The following CYREN variants were observed in gnomAD, a reference collection of about 807,000 sequenced individuals.
CYREN encodes the protein cell cycle regulator of NHEJ, also known as cell cycle regulator of non-homologous end joining.
Under a neutral mutation model 9.7 loss-of-function variants are expected in CYREN, and 7 were observed. That is an observed-to-expected ratio of 0.72 (90% CI 0.41 to 1.36). The LOEUF (loss-of-function observed/expected upper bound fraction) is 1.36. Among genes scored for constraint, CYREN ranks in the 40% most tolerant of loss-of-function variants. The pLI is 0.01. For missense variants in CYREN, 215 were observed against 198.1 expected (o/e 1.09, Z -0.51); for synonymous variants, 76 against 77.9 (o/e 0.98, Z 0.13).
chr7:135,097,830 T>C (rs1823142318), intron 2 of CYREN, among the ~76,000 whole-genome samples: 2 of 152,050 alleles, frequency 1.3e-5, no homozygotes, highest in Admixed American at 1.3e-4. Flanking sequence ...TGGGAAGAAA[T>C]AAGACTGACT....
downstream of CYREN, among the ~76,000 whole-genome samples, chr7:135,163,161 T>C (rs772274561): frequency 7.2e-5 from 11 of 152,190 alleles, no homozygotes; most frequent in South Asian, 2.1e-4. Flanking sequence ...GCACAGCCAT[T>C]GATCATGTTT....
intron 2 of CYREN, among the ~76,000 whole-genome samples, chr7:135,152,531 T>C (rs771131912): frequency 2.6e-5 from 4 of 152,262 alleles, no homozygotes; most frequent in African/African-American, 4.8e-5. Context: ...CCCTACATGG[T>C]TGTAAGAAAT....
At position 135,166,714 on chromosome 7, in the gene CYREN, G is replaced by C. The variant is rs908860169; in HGVS notation, c.371C>G (p.Pro124Arg). Residue 124 changes from proline (P) to arginine (R), a missense_variant, in exon 4 of 4, where the codon CCT (proline) becomes CGT (arginine). By Grantham distance (103) the Pro-to-Arg change is moderately radical. Transcript: ENST00000393114. ...GKQALAPGLSPSQRPGGSSSA... is the reference protein window; with the variant it reads ...GKQALAPGLSRSQRPGGSSSA... ...GCTGGAACCCCCCGGCCTCTGGGAA[G>C]GGCTGAGGCCTGGAGCCAGTGCCTG... is the stretch of plus-strand genomic sequence containing the variant. The C allele has an allele frequency of 1.2e-6, 2 of 1,613,644 alleles. No homozygotes were observed. The highest frequency in any genetic ancestry group is 1.6e-4 in the Middle Eastern group (1 of 6,062).
intron 2 of CYREN, 74 bp downstream of exon 2, chr7:135,168,712 A>G: frequency 6.4e-7 from 1 of 1,559,322 alleles, no homozygotes; most frequent in East Asian, 2.3e-5. Flanking sequence ...AGGCTGGAAG[A>G]CCTGGCCCAG....
chr7:135,164,214 C>T (rs1028737921), downstream of CYREN, among the ~76,000 whole-genome samples: 1 of 152,228 alleles, frequency 6.6e-6, no homozygotes, highest in Admixed American at 6.5e-5. Context: ...TCCTCCTGAC[C>T]TCAAATCAGA....
chr7:135,115,641 CTATT>C (rs1385962720), intron 2 of CYREN: 2 of 1,426,156 alleles, frequency 1.4e-6, no homozygotes. Context: ...TCACTCTTAT[CTATT>C]TAACACATCT....
chr7:135,126,346 G>A (rs1259431928), intron 2 of CYREN, among the ~76,000 whole-genome samples: 2 of 152,138 alleles, frequency 1.3e-5, no homozygotes, highest in African/African-American at 4.8e-5. Context: ...GGATGTGAAG[G>A]ACCTCTTCAA....
intron 2 of CYREN, among the ~76,000 whole-genome samples, chr7:135,137,765 A>T (rs527963131): frequency 6.6e-6 from 1 of 152,176 alleles, no homozygotes; most frequent in African/African-American, 2.4e-5. Context: ...TTAATGAAAC[A>T]ATAGAAATTT....
At chr7:135,138,407 GAGGA>G (rs1263819053) in intron 2 of CYREN, among the ~76,000 whole-genome samples, 1 of 152,018 alleles carries the variant, frequency 6.6e-6, no homozygotes, top group Non-Finnish European at 1.5e-5. Context: ...GAATCGGAGG[GAGGA>G]ATTGGGAATA....
At chr7:135,112,099 C>T (rs1428784907) in intron 2 of CYREN, among the ~76,000 whole-genome samples, 2 of 152,170 alleles carry the variant, frequency 1.3e-5, no homozygotes, top group Admixed American at 6.5e-5. Flanking sequence ...TAACATGAAG[C>T]TCTATCCATT....
intron 3 of CYREN, 30 bp from the exon 4 acceptor site, chr7:135,166,901 C>G (rs1372380114): frequency 1.9e-6 from 3 of 1,602,268 alleles, no homozygotes; most frequent in Middle Eastern, 1.7e-4. Context: ...GCAGGCTCAA[C>G]ATACGTGTTT....
Position 135,095,549 on chromosome 7 carries a change from C to T in CYREN, n.357-967G>A, listed in dbSNP as rs146775743. ...GCCTATTAACTTCAGTTTTTGTTAC[C>T]CACTGTCCTGTGACCAACAAAAGAT... On this transcript the variant is annotated intron_variant and non_coding_transcript_variant, in intron 2 of 2. Transcript: ENST00000459937. Among the ~76,000 whole-genome samples the T allele has an allele frequency of 2.5e-3, 385 of 152,194 alleles. 1 individual carries two copies. The highest frequency in any genetic ancestry group is 8.6e-3 in the African/African-American group (359 of 41,548).
intron 2 of CYREN, among the ~76,000 whole-genome samples, chr7:135,109,070 T>C (rs1266699444): frequency 6.6e-6 from 1 of 152,208 alleles, no homozygotes. Flanking sequence ...GCCTATTTTG[T>C]TTGTCAGCTC....
chr7:135,119,046 T>A (rs1297642965), intron 2 of CYREN, among the ~76,000 whole-genome samples: 2 of 152,036 alleles, frequency 1.3e-5, no homozygotes, highest in African/African-American at 4.8e-5. Flanking sequence ...CAAAATCTAA[T>A]AATATTCACA....
intron 2 of CYREN, among the ~76,000 whole-genome samples, chr7:135,149,437 G>A (rs1217480402): frequency 6.6e-6 from 1 of 152,104 alleles, no homozygotes; most frequent in Non-Finnish European, 1.5e-5. Flanking sequence ...TTCTGATATT[G>A]GACTTTCAAG....
At chr7:135,096,523 AG>A (rs1822746865) in intron 2 of CYREN, among the ~76,000 whole-genome samples, 1 of 151,450 alleles carries the variant, frequency 6.6e-6, no homozygotes. Flanking sequence ...AAAGAAAAAG[AG>A]AAAAAAACAA....
chr7:135,170,385 C>G (rs1436336731), intron 1 of CYREN: 1 of 152,340 alleles, frequency 6.6e-6, no homozygotes, highest in African/African-American at 2.4e-5. Context: ...GTACCCGCCG[C>G]TGGCGGCGCC....
At chr7:135,096,574 TAGATAGATACATAGATAGATAGATA>T (rs1822798309) in intron 2 of CYREN, among the ~76,000 whole-genome samples, 1 of 31,096 alleles carries the variant, frequency 3.2e-5, no homozygotes, top group African/African-American at 1.1e-4. Context: ...GATAGATAGA[TAGATAGATACATAGATAGATAGATA>T]GATAGATAGA....
At chr7:135,148,987 C>T (rs1178872574) in intron 2 of CYREN, among the ~76,000 whole-genome samples, 1 of 152,088 alleles carries the variant, frequency 6.6e-6, no homozygotes, top group Non-Finnish European at 1.5e-5. Context: ...ACACATATTT[C>T]CTTCTTCCCT....
Sources: gnomAD v4.1 joint callset for allele counts (sites outside exome capture counted in the v4.1 genomes callset) on GRCh38, gnomAD v4.1.1 for gene constraint, MANE v1.5 for transcripts, NCBI Gene and HGNC (gene_info 2026-07-23, HGNC 2026-07-21) for gene names.